NKAIN3: variants seen among roughly 807,000 people sequenced by gnomAD.
NKAIN3 encodes the protein sodium/potassium transporting ATPase interacting 3, also known as sodium/potassium-transporting ATPase subunit beta-1-interacting protein 3.
NKAIN3 carries 25 observed loss-of-function variants against 30.2 expected under a neutral mutation model. The ratio of observed to expected loss-of-function variants is 0.83; its 90% CI spans 0.60 to 1.16. The LOEUF (loss-of-function observed/expected upper bound fraction) is 1.16. Ranked by LOEUF, NKAIN3 falls within the 50% of genes most tolerant of loss-of-function variation. The probability of loss-of-function intolerance (pLI) is 0.00; values close to 1 mark genes in which losing one functional copy is unlikely to be tolerated. For missense variants in NKAIN3, 225 were observed against 254.1 expected (o/e 0.89, Z 0.78); for synonymous variants, 91 against 89.6 (o/e 1.02, Z -0.09).
chr8:62,789,144 A>G (rs1317927686), intron 4 of NKAIN3, among the ~76,000 whole-genome samples: 8 of 152,174 alleles, frequency 5.3e-5, no homozygotes, highest in Non-Finnish European at 5.9e-5. Flanking sequence ...TTTTCACAAT[A>G]TTGATTCTTC....
chr8:62,320,089 G>A (rs911708584), intron 1 of NKAIN3, among the ~76,000 whole-genome samples: 2 of 152,038 alleles, frequency 1.3e-5, no homozygotes, highest in Non-Finnish European at 2.9e-5. Flanking sequence ...TTATGTAATG[G>A]CCTTCTTTGT....
intron 1 of NKAIN3, among the ~76,000 whole-genome samples, chr8:62,328,421 C>T (rs953817326): frequency 2.6e-5 from 4 of 151,998 alleles, no homozygotes; most frequent in Non-Finnish European, 4.4e-5. Flanking sequence ...TGAGAGGGGT[C>T]GTATTACAAG....
intron 5 of NKAIN3, among the ~76,000 whole-genome samples, chr8:62,992,033 C>G (rs79340530): frequency 6.8e-6 from 1 of 146,898 alleles, no homozygotes; most frequent in Non-Finnish European, 1.5e-5. Context: ...TTTTTTTTTT[C>G]TTTTAGACAG....
At chr8:62,355,476 TA>T (rs1816319781) in intron 1 of NKAIN3, among the ~76,000 whole-genome samples, 1 of 152,128 alleles carries the variant, frequency 6.6e-6, no homozygotes, top group Non-Finnish European at 1.5e-5. Context: ...TGGAGGTAGT[TA>T]AGAAGGAGAT....
intron 1 of NKAIN3, among the ~76,000 whole-genome samples, chr8:62,549,821 A>G (rs1383193): frequency 0.35 from 52,152 of 150,600 alleles, 9,256 homozygotes; most frequent in African/African-American, 0.43. Context: ...ATATTCAAAT[A>G]CATGCACGTG....
chr8:62,430,518 C>A (rs1804963472), intron 1 of NKAIN3, among the ~76,000 whole-genome samples: 2 of 151,496 alleles, frequency 1.3e-5, no homozygotes, highest in Non-Finnish European at 1.5e-5. Context: ...AACCGCAATA[C>A]TGTTTTCCAC....
At chr8:62,796,637 G>T (rs1817870227) in intron 4 of NKAIN3, among the ~76,000 whole-genome samples, 1 of 152,052 alleles carries the variant, frequency 6.6e-6, no homozygotes, top group Non-Finnish European at 1.5e-5. Context: ...AAATCTCAAA[G>T]AATTGTTTAC....
At chr8:62,604,585 G>T (rs1050284075) in intron 3 of NKAIN3, among the ~76,000 whole-genome samples, 2 of 152,076 alleles carry the variant, frequency 1.3e-5, no homozygotes. Flanking sequence ...CTTTATTCTT[G>T]TAGGAGCCAC....
intron 1 of NKAIN3, among the ~76,000 whole-genome samples, chr8:62,441,862 T>C (rs1312159385): frequency 6.6e-6 from 1 of 152,096 alleles, no homozygotes; most frequent in East Asian, 1.9e-4. Context: ...CATTGTGTTG[T>C]GTGGGGTTTT....
chr8:62,260,284 C>T (rs1812396604), intron 1 of NKAIN3, among the ~76,000 whole-genome samples: 1 of 151,838 alleles, frequency 6.6e-6, no homozygotes, highest in African/African-American at 2.4e-5. Flanking sequence ...AATTAAGGTA[C>T]AAACAGGAAT....
intron 1 of NKAIN3, among the ~76,000 whole-genome samples, chr8:62,349,264 T>C (rs1816108189): frequency 1.3e-5 from 2 of 152,280 alleles, no homozygotes; most frequent in Admixed American, 1.3e-4. Context: ...GATTCTTTAA[T>C]ATTTAATCCC....
chr8:62,960,291 ACT>A lies in NKAIN3; in HGVS notation c.604-5058_604-5057del, dbSNP rs1229670726. ...ATCATTTCCTTTGACATGTGACTTC[ACT>A]CTCTGCCCCTAAAATTTGTGGAGCC... is the stretch of plus-strand genomic sequence containing the variant. On this transcript the variant is annotated intron_variant, in intron 6 of 6. Transcript: ENST00000623646. Among the ~76,000 whole-genome samples the A allele has an allele frequency of 2.0e-5, 3 of 152,030 alleles. No individual in the cohort carries two copies. The East Asian group carries it at 5.8e-4, about 29-fold the overall frequency.
chr8:62,429,166 T>C (rs940274033), intron 1 of NKAIN3, among the ~76,000 whole-genome samples: 8 of 151,884 alleles, frequency 5.3e-5, no homozygotes, highest in African/African-American at 1.9e-4. Context: ...GGCTAGGACA[T>C]CCAGTACTAT....
At chr8:62,798,415 C>CA (rs1020466093) in intron 4 of NKAIN3, among the ~76,000 whole-genome samples, 1 of 151,872 alleles carries the variant, frequency 6.6e-6, no homozygotes, top group African/African-American at 2.4e-5. Context: ...ACTGAAAATA[C>CA]AAAAAAATTA....
intron 3 of NKAIN3, among the ~76,000 whole-genome samples, chr8:62,724,913 T>C (rs1815208812): frequency 6.6e-6 from 1 of 152,126 alleles, no homozygotes; most frequent in Non-Finnish European, 1.5e-5. Context: ...GATTGCTGGA[T>C]CACATGATAG....
intron 4 of NKAIN3, among the ~76,000 whole-genome samples, chr8:62,820,409 T>C (rs1818814123): frequency 6.6e-6 from 1 of 152,020 alleles, no homozygotes; most frequent in African/African-American, 2.4e-5. Flanking sequence ...CTGTAAGAGG[T>C]GGGAAGAAGA....
chr8:62,296,053 G>A (rs1813817721), intron 1 of NKAIN3, among the ~76,000 whole-genome samples: 1 of 152,152 alleles, frequency 6.6e-6, no homozygotes, highest in Non-Finnish European at 1.5e-5. Flanking sequence ...ATCACTGCTG[G>A]CTTTGACTAC....
At chr8:62,534,463 G>A (rs1426784912) in intron 1 of NKAIN3, among the ~76,000 whole-genome samples, 3 of 152,124 alleles carry the variant, frequency 2.0e-5, no homozygotes, top group Admixed American at 6.5e-5. Flanking sequence ...TAGAAAGGAT[G>A]TCATTTTGAA....
chr8:62,775,770 C>T (rs1176923634), intron 4 of NKAIN3, among the ~76,000 whole-genome samples: 2 of 152,046 alleles, frequency 1.3e-5, no homozygotes, highest in East Asian at 3.9e-4. Flanking sequence ...ATTCTGCAGC[C>T]ATTGGATGAA....
Sources: allele counts gnomAD v4.1 joint callset (sites outside exome capture counted in the v4.1 genomes callset), GRCh38; gene constraint gnomAD v4.1.1; transcripts MANE v1.5; gene names NCBI Gene and HGNC (gene_info 2026-07-23, HGNC 2026-07-21).